PRKCH: variants seen among roughly 807,000 people sequenced by gnomAD.
The protein encoded by PRKCH is protein kinase C eta, also known as protein kinase C eta type.
PRKCH carries 28 observed loss-of-function variants against 82.5 expected under a neutral mutation model. The ratio of observed to expected loss-of-function variants is 0.34; its 90% CI spans 0.25 to 0.47. The LOEUF is 0.47. PRKCH is among the 20% of genes least tolerant of loss of function. The probability of loss-of-function intolerance (pLI) is 1.00; values close to 1 mark genes in which losing one functional copy is unlikely to be tolerated. For synonymous variants in PRKCH, 322 were observed against 327.4 expected (o/e 0.98, Z 0.18); for missense variants, 705 against 881.8 (o/e 0.80, Z 2.54).
rs368221811 is a variant in PRKCH at position 61,198,989 on chromosome 14, T to G, written c.-19+11321T>G. On this transcript the variant is annotated intron_variant, in intron 1 of 3. Coordinates refer to the PRKCH transcript ENST00000555185. ...CCCTTAAGCTTGCAAGGCTGAGGGA[T>G]GGGGGAAGACGCTACTTCCCACCAA... 3.9e-5 allele frequency among the ~76,000 whole-genome samples: 6 copies of G among 152,066 alleles called. No individual in the cohort carries two copies. The East Asian group carries it at 7.7e-4, about 20-fold the overall frequency.
chr14:61,256,393 T>C (rs2044997961), intron 1 of PRKCH, among the ~76,000 whole-genome samples: 1 of 152,202 alleles, frequency 6.6e-6, no homozygotes, highest in Non-Finnish European at 1.5e-5. Context: ...TTTCTGAGCA[T>C]AGAACCGTCA....
Position 61,280,373 on chromosome 14 carries a change from G to A in PRKCH, c.-19+92705G>A, listed in dbSNP as rs764835659. On this transcript the variant is annotated intron_variant, in intron 1 of 3. Transcript: ENST00000555185. The surrounding 1 kb of genome is among the most constrained non-coding windows in gnomAD (Gnocchi z 5.0). Reference sequence around the variant, plus strand: ...GCGTACAGTTTGCGGAACGTGGGCAGCGCCGCCGTGCGCATCCACACCACG... The same window carrying A: ...GCGTACAGTTTGCGGAACGTGGGCAACGCCGCCGTGCGCATCCACACCACG... 2 of 1,614,012 alleles carry A rather than the reference G, an allele frequency of 1.2e-6. No homozygotes were observed. The highest frequency in any genetic ancestry group is 1.7e-5 in the Admixed American group (1 of 60,036).
chr14:61,330,003 C>T (rs1427921117), intron 1 of PRKCH, among the ~76,000 whole-genome samples: 2 of 152,182 alleles, frequency 1.3e-5, no homozygotes, highest in Non-Finnish European at 2.9e-5. Flanking sequence ...CATCCAGCCA[C>T]CAATGAGCAT....
chr14:61,259,688 C>A (rs1363953440), intron 1 of PRKCH, among the ~76,000 whole-genome samples: 1 of 152,208 alleles, frequency 6.6e-6, no homozygotes, highest in Non-Finnish European at 1.5e-5. Flanking sequence ...TTCAATAAAT[C>A]TCCACTGCAC....
Position 61,280,710 on chromosome 14 carries a change from C to T in PRKCH, c.-19+93042C>T. 6.3e-7 allele frequency: 1 copy of T among 1,579,606 alleles called. No individual in the cohort carries two copies. Among genetic ancestry groups the T allele is most frequent in the South Asian group, 1.1e-5 (1 of 87,542 alleles). ...CCGCGCTGCGCTGGTAGGGGGCGCA[C>T]TCGTTGACAGGGTGGCGCAGCGCGC... is the stretch of plus-strand genomic sequence containing the variant. On this transcript the variant is annotated intron_variant, in intron 1 of 3. Coordinates refer to the PRKCH transcript ENST00000555185. This position sits in a 1 kb window ranked among gnomAD's most constrained non-coding sequence, Gnocchi z 5.0.
chr14:61,395,651 A>G (rs954695299), intron 2 of PRKCH, among the ~76,000 whole-genome samples: 1 of 152,108 alleles, frequency 6.6e-6, no homozygotes. Context: ...TGCAAACTAT[A>G]AAGTACTATA....
At chr14:61,276,607 C>T (rs1344585559) in intron 1 of PRKCH, among the ~76,000 whole-genome samples, 2 of 152,036 alleles carry the variant, frequency 1.3e-5, no homozygotes, top group South Asian at 2.1e-4. Flanking sequence ...CCATCCACCT[C>T]GGCCTCCCAA....
chr14:61,207,560 G>A (rs1156417398), intron 1 of PRKCH, among the ~76,000 whole-genome samples: 1 of 152,102 alleles, frequency 6.6e-6, no homozygotes, highest in Admixed American at 6.6e-5. Context: ...GCAGATAGAT[G>A]TTTTCAATTT....
At position 61,485,568 on chromosome 14, in the gene PRKCH, C is replaced by G; in HGVS notation, c.1345C>G (p.Arg449Gly). 1 of 1,614,116 alleles carries G rather than the reference C, an allele frequency of 6.2e-7. No homozygotes were observed. The highest frequency in any genetic ancestry group is 1.3e-5 in the African/African-American group (1 of 75,014). The change falls in exon 10 of 14, where the codon CGT becomes GGT. Residue 449 changes from arginine (R) to glycine (G), a missense_variant. Transcript: ENST00000332981. ...CTTGATGTTCCACATTCAGAAGTCT[C>G]GTCGTTTTGATGAAGCACGAGCTCG... ...GDLMFHIQKS[R>G]RFDEARARFY...
At chr14:61,340,328 T>G (rs1594927887) in intron 1 of PRKCH, among the ~76,000 whole-genome samples, 1 of 128,874 alleles carries the variant, frequency 7.8e-6, no homozygotes, top group Non-Finnish European at 1.6e-5. Flanking sequence ...TTTGTATCTT[T>G]CCTCATCCCT....
At chr14:61,431,075 A>G (rs1237425002) in intron 2 of PRKCH, among the ~76,000 whole-genome samples, 1 of 152,192 alleles carries the variant, frequency 6.6e-6, no homozygotes, top group Non-Finnish European at 1.5e-5. Flanking sequence ...TCCTCATAGG[A>G]TCTCAGGCGT....
intron 1 of PRKCH, among the ~76,000 whole-genome samples, chr14:61,267,473 A>T (rs2045113849): frequency 6.6e-6 from 1 of 152,100 alleles, no homozygotes; most frequent in Non-Finnish European, 1.5e-5. Context: ...GTAGGCTTTG[A>T]TCTCTGAGCC....
chr14:61,416,053 C>CTTTTCT (rs1178072384), intron 2 of PRKCH, among the ~76,000 whole-genome samples: 2 of 94,186 alleles, frequency 2.1e-5, no homozygotes, highest in African/African-American at 8.5e-5. Context: ...CTTTTCTTTT[C>CTTTTCT]TTTTTTTTTT....
At chr14:61,226,791 A>C (rs2044699386) in intron 1 of PRKCH, among the ~76,000 whole-genome samples, 4 of 152,172 alleles carry the variant, frequency 2.6e-5, no homozygotes, top group Admixed American at 2.6e-4. Flanking sequence ...GTCTTGTCCT[A>C]TGTGCTGAGT....
intron 9 of PRKCH, among the ~76,000 whole-genome samples, chr14:61,481,689 G>A (rs527687196): frequency 4.6e-5 from 7 of 152,148 alleles, no homozygotes; most frequent in Admixed American, 1.3e-4. Context: ...ATGTCACCCC[G>A]ATCCCACAAC....
rs1369082642 is a variant in PRKCH at position 61,193,799 on chromosome 14, G to A, written c.-19+6131G>A. 2.0e-5 allele frequency among the ~76,000 whole-genome samples: 3 copies of A among 152,198 alleles called. No individual in the cohort carries two copies. The East Asian group carries it at 5.8e-4, about 29-fold the overall frequency. On this transcript the variant is annotated intron_variant, in intron 1 of 3. Coordinates refer to the PRKCH transcript ENST00000555185. ...ACTTTCAGAGAATCCATATTCAGGGGATATATTGGGCCAGAAAGCTCGCCT... is the reference window on the plus strand; with the variant it reads ...ACTTTCAGAGAATCCATATTCAGGGAATATATTGGGCCAGAAAGCTCGCCT...
At chr14:61,241,682 G>A (rs1365071379) in intron 1 of PRKCH, among the ~76,000 whole-genome samples, 2 of 152,198 alleles carry the variant, frequency 1.3e-5, no homozygotes, top group Admixed American at 6.5e-5. Flanking sequence ...GAAACCTAGA[G>A]GGAGTCACTT....
intron 1 of PRKCH, among the ~76,000 whole-genome samples, chr14:61,236,342 G>T (rs1000773852): frequency 6.6e-6 from 1 of 152,216 alleles, no homozygotes; most frequent in Non-Finnish European, 1.5e-5. Flanking sequence ...GGCATTCTAA[G>T]TCACAGGATG....
At chr14:61,235,483 GA>G (rs1322950594) in intron 1 of PRKCH, among the ~76,000 whole-genome samples, 1 of 152,168 alleles carries the variant, frequency 6.6e-6, no homozygotes, top group Admixed American at 6.5e-5. Context: ...ACCAGCGCTT[GA>G]GCTGTGCGGG....
Sources: gnomAD v4.1 joint callset for allele counts (sites outside exome capture counted in the v4.1 genomes callset) on GRCh38, gnomAD v4.1.1 for gene constraint, Gnocchi (gnomAD v3.1) non-coding constraint, MANE v1.5 for transcripts, NCBI Gene and HGNC (gene_info 2026-07-23, HGNC 2026-07-21) for gene names.